ZNF444: variants seen among roughly 807,000 people sequenced by gnomAD.
The protein encoded by ZNF444 is endothelial zinc finger protein 2.
Under a neutral mutation model 14.4 loss-of-function variants are expected in ZNF444, and 8 were observed. That is an observed-to-expected ratio of 0.56 (90% confidence interval 0.33 to 1.00). ZNF444 has a LOEUF of 1.00. Among genes scored for constraint, ZNF444 ranks in the 50% least tolerant of loss-of-function variants. The pLI is 0.03. For missense variants in ZNF444, 510 were observed against 504.8 expected, an observed-to-expected ratio of 1.01 and a Z score of -0.10; for synonymous variants, 258 against 235.9, an observed-to-expected ratio of 1.09 and a Z score of -0.86.
At chr19:56,140,955 A>G (rs1319068222), upstream of ZNF444, 11 of 152,182 alleles carry the variant, frequency 7.2e-5, no homozygotes, top group African/African-American at 2.4e-4. Flanking sequence ...CTCCTCGTGC[A>G]TTCTGGGAAA....
chr19:56,144,977 T>C lies in ZNF444; in HGVS notation c.-196-1270T>C, dbSNP rs2031079275. ...GAGCCAGCGAGTGACTATCTTTGGC[T>C]CTGTGGACAGCCTTACAGGCCACCC... On this transcript the variant is annotated intron_variant, in intron 1 of 4. Transcript: ENST00000337080. This position sits in a 1 kb window ranked among gnomAD's most constrained non-coding sequence, Gnocchi z 4.0. Among the ~76,000 whole-genome samples the C allele has an allele frequency of 6.6e-6, 1 of 152,226 alleles. No homozygotes were observed.
chr19:56,156,716 C>G (rs978432169), intron 3 of ZNF444: 1 of 152,238 alleles, frequency 6.6e-6, no homozygotes, highest in Non-Finnish European at 1.5e-5. Flanking sequence ...GAGTCATGAG[C>G]CAGGAGCCGT....
At chr19:56,134,257 C>A (rs1438020241) in intron 1 of ZNF444, among the ~76,000 whole-genome samples, 1 of 152,188 alleles carries the variant, frequency 6.6e-6, no homozygotes, top group Non-Finnish European at 1.5e-5. Flanking sequence ...ATAATTATAG[C>A]AGAGCTACAA....
At chr19:56,151,135 C>T in intron 3 of ZNF444, 12 of 228,052 alleles carry the variant, frequency 5.3e-5, no homozygotes, top group Non-Finnish European at 7.8e-5. Flanking sequence ...TCTGGGGGCG[C>T]TGCTGTGGAT....
At chr19:56,136,577 G>T (rs1049958277), upstream of ZNF444, among the ~76,000 whole-genome samples, 1 of 152,162 alleles carries the variant, frequency 6.6e-6, no homozygotes, top group Non-Finnish European at 1.5e-5. Context: ...CTCCCTGCCA[G>T]GTAGCCTTCC....
Position 56,152,331 on chromosome 19 carries a change from C to CAA in ZNF444, c.297+5140_297+5141dup, listed in dbSNP as rs1162528500. ...TGGGCGACAGAGTGAGACTCTGTCT[C>CAA]AAAAAAAAAAAAAAAAAATACCGTT... On this transcript the variant is annotated intron_variant, in intron 3 of 4. Transcript: ENST00000337080. 5.0e-5 allele frequency among the ~76,000 whole-genome samples: 4 copies of CAA among 80,698 alleles called. No homozygotes were observed. In the East Asian group the frequency reaches 9.6e-4, roughly 19 times the overall value. The allele number at this position is 80,698 out of a possible 152,430, so 52.9% of individuals were successfully genotyped here. A position where few individuals can be genotyped will look rare whatever the true frequency, so the allele number is the denominator to read the frequency against.
At chr19:56,142,740 G>T (rs2123467225) in intron 1 of ZNF444, among the ~76,000 whole-genome samples, 1 of 152,238 alleles carries the variant, frequency 6.6e-6, no homozygotes, top group South Asian at 2.1e-4. Context: ...CACAGAGGGG[G>T]TAAGTCACAC....
At chr19:56,136,950 T>G (rs2123453504), upstream of ZNF444, among the ~76,000 whole-genome samples, 1 of 151,914 alleles carries the variant, frequency 6.6e-6, no homozygotes. Flanking sequence ...CCAGCTAATT[T>G]TTTTGTATTT....
At chr19:56,153,246 C>T (rs2031693694) in intron 3 of ZNF444, among the ~76,000 whole-genome samples, 1 of 152,144 alleles carries the variant, frequency 6.6e-6, no homozygotes, top group Admixed American at 6.5e-5. Context: ...AATATATAGC[C>T]TTCTTGGCTA....
At chr19:56,143,628 G>T (rs2030977782) in intron 1 of ZNF444, 1 of 152,156 alleles carries the variant, frequency 6.6e-6, no homozygotes, top group African/African-American at 2.4e-5. Flanking sequence ...GCAACTTGGG[G>T]GTAGTAACAC....
upstream of ZNF444, among the ~76,000 whole-genome samples, chr19:56,138,789 G>A (rs887197627): frequency 1.2e-5 from 1 of 80,598 alleles, no homozygotes; most frequent in Non-Finnish European, 2.7e-5. Flanking sequence ...CAGCTTGAAT[G>A]TACTTTTTTT....
At position 56,158,552 on chromosome 19, in the gene ZNF444, A is replaced by G; in HGVS notation, c.356A>G (p.Gln119Arg). Residue 119 changes from glutamine to arginine, a missense_variant, in exon 4 of 5, where the codon CAG becomes CGG. Transcript: ENST00000337080. Reference sequence around the variant, plus strand: ...ACGAGGGTGCCTCAGGATGTGACGCAGGGCCCTGGGGCCACAGGTGGAAAG... The same window carrying G: ...ACGAGGGTGCCTCAGGATGTGACGCGGGGCCCTGGGGCCACAGGTGGAAAG... Reference protein sequence around the residue: ...SATRVPQDVTQGPGATGGKED... With the variant: ...SATRVPQDVTRGPGATGGKED... The G allele has an allele frequency of 1.2e-6, 2 of 1,612,084 alleles. No individual in the cohort carries two copies. The highest frequency in any genetic ancestry group is 1.7e-6 in the Non-Finnish European group (2 of 1,179,082).
In ZNF444 at chr19:56,147,560, G is replaced by A. The variant is rs1302441302; in HGVS notation, c.297+352G>A. The stretch of plus-strand genomic sequence containing the variant: ...CGCAGTTACCAGCTGTCCTCTCCCC[G>A]CACCCCGCCCGCACGCAGGGGGTCT... On this transcript the variant is annotated intron_variant, in intron 3 of 4. Coordinates refer to ENST00000337080, the MANE Select transcript of ZNF444 (RefSeq NM_018337.4). This position sits in a 1 kb window ranked among gnomAD's most constrained non-coding sequence, Gnocchi z 5.9. Among the ~76,000 whole-genome samples, 1 of 152,068 alleles carries A rather than the reference G, an allele frequency of 6.6e-6. No individual in the cohort carries two copies. The highest frequency in any genetic ancestry group is 2.4e-5 in the African/African-American group (1 of 41,412).
intron 1 of ZNF444, among the ~76,000 whole-genome samples, chr19:56,133,110 G>C (rs2030525959): frequency 6.6e-6 from 1 of 151,592 alleles, no homozygotes; most frequent in African/African-American, 2.4e-5. Flanking sequence ...GCTTATTTTT[G>C]TATTTTTAGT....
chr19:56,136,079 C>T (rs1315916490), intron 1 of ZNF444, among the ~76,000 whole-genome samples: 15 of 1,522 alleles, frequency 9.9e-3, no homozygotes, highest in African/African-American at 0.097. Context: ...GAGATTCCGT[C>T]TCAAAAAAAA....
chr19:56,142,564 C>T (rs953741331), intron 1 of ZNF444, among the ~76,000 whole-genome samples: 1 of 152,132 alleles, frequency 6.6e-6, no homozygotes, highest in African/African-American at 2.4e-5. Context: ...CAGGATAGCC[C>T]GCCACGACAC....
At chr19:56,132,820 C>G (rs565048805) in intron 1 of ZNF444, 1 of 152,200 alleles carries the variant, frequency 6.6e-6, no homozygotes, top group Non-Finnish European at 1.5e-5. Context: ...GCCCTGCTCA[C>G]TCTCTGAACA....
upstream of ZNF444, among the ~76,000 whole-genome samples, chr19:56,137,065 G>C (rs540259728): frequency 3.3e-5 from 5 of 151,620 alleles, no homozygotes; most frequent in East Asian, 9.9e-4. Context: ...TTACAGGCGT[G>C]AGCCACTGTG....
At chr19:56,137,129 G>C (rs922281199), upstream of ZNF444, among the ~76,000 whole-genome samples, 3 of 151,756 alleles carry the variant, frequency 2.0e-5, no homozygotes, top group Non-Finnish European at 4.4e-5. Flanking sequence ...TGTGCAGCTG[G>C]TCTGGGGACT....
Sources: allele counts gnomAD v4.1 joint callset (sites outside exome capture counted in the v4.1 genomes callset), GRCh38; gene constraint gnomAD v4.1.1; non-coding constraint Gnocchi (gnomAD v3.1); transcripts MANE v1.5; gene names NCBI Gene and HGNC (gene_info 2026-07-23, HGNC 2026-07-21).